The following UBE3D variants were observed in gnomAD, a reference collection of about 807,000 sequenced individuals.
The protein encoded by UBE3D is E3 ubiquitin-protein ligase E3D.
A neutral mutation model predicts 49.6 loss-of-function variants in UBE3D; 48 were observed. The observed-to-expected ratio is 0.97, with a 90% confidence interval of 0.77 to 1.23. The LOEUF is 1.23. Ranked by LOEUF, UBE3D falls within the 50% of genes most tolerant of loss-of-function variation. The pLI is 0.00. For missense variants in UBE3D, 452 were observed against 468.4 expected (o/e 0.96, Z 0.32); for synonymous variants, 189 against 174.2 (o/e 1.08, Z -0.67).
chr6:83,025,660 A>G (rs1348983867), intron 5 of UBE3D, among the ~76,000 whole-genome samples: 1 of 152,120 alleles, frequency 6.6e-6, no homozygotes, highest in Non-Finnish European at 1.5e-5. Flanking sequence ...AGGCGAGCAG[A>G]TCACCTGGGG....
intron 8 of UBE3D, among the ~76,000 whole-genome samples, chr6:82,968,436 T>C (rs1347818131): frequency 6.6e-6 from 1 of 151,908 alleles, no homozygotes. Flanking sequence ...CATCAAGGTG[T>C]GTATGTCTAA....
chr6:83,019,209 CAA>C (rs1474121299), intron 7 of UBE3D, 73 bp from the exon 8 acceptor site: 2 of 1,322,380 alleles, frequency 1.5e-6, no homozygotes, highest in Non-Finnish European at 1.0e-6. Flanking sequence ...TTTTCAAAAA[CAA>C]AAAAGAGACT....
chr6:83,014,638 A>G (rs1349506131), intron 8 of UBE3D, among the ~76,000 whole-genome samples: 2 of 152,222 alleles, frequency 1.3e-5, no homozygotes, highest in Non-Finnish European at 2.9e-5. Context: ...GCCAGTGTCC[A>G]GTAGTCTCTG....
intron 8 of UBE3D, among the ~76,000 whole-genome samples, chr6:83,003,668 T>C (rs1779782889): frequency 6.6e-6 from 1 of 152,196 alleles, no homozygotes. Context: ...ATTACTGCAT[T>C]GAATACTGTA....
intron 5 of UBE3D, among the ~76,000 whole-genome samples, chr6:83,029,829 T>G (rs970875410): frequency 6.6e-6 from 1 of 151,972 alleles, no homozygotes; most frequent in Admixed American, 6.6e-5. Flanking sequence ...CAGTTTTAAT[T>G]TTTTTTTAGT....
At chr6:82,987,939 ACAGT>A (rs1778634386) in intron 8 of UBE3D, among the ~76,000 whole-genome samples, 3 of 152,250 alleles carry the variant, frequency 2.0e-5, no homozygotes, top group African/African-American at 2.4e-5. Flanking sequence ...TCTTAAAAAC[ACAGT>A]CAGAAGTGAA....
chr6:83,047,550 T>C (rs2127827772), intron 3 of UBE3D, among the ~76,000 whole-genome samples: 1 of 151,432 alleles, frequency 6.6e-6, no homozygotes, highest in South Asian at 2.1e-4. Flanking sequence ...ATGTGAGCTG[T>C]CATTTGTGCA....
chr6:83,014,176 C>T (rs775626861), intron 8 of UBE3D, among the ~76,000 whole-genome samples: 8 of 152,206 alleles, frequency 5.3e-5, no homozygotes, highest in Admixed American at 1.3e-4. Flanking sequence ...AATCCACTGT[C>T]GTTCTCTAAG....
chr6:83,001,837 C>T (rs1444261760), intron 8 of UBE3D, among the ~76,000 whole-genome samples: 2 of 152,176 alleles, frequency 1.3e-5, no homozygotes, highest in African/African-American at 4.8e-5. Flanking sequence ...CTTTCCAAGT[C>T]ATAACTTTGC....
chr6:82,931,403 G>A (rs959354437), intron 9 of UBE3D, among the ~76,000 whole-genome samples: 4 of 152,154 alleles, frequency 2.6e-5, no homozygotes, highest in Non-Finnish European at 1.5e-5. Flanking sequence ...GACCCAGAAT[G>A]GTAGATCCAC....
intron 8 of UBE3D, among the ~76,000 whole-genome samples, chr6:83,014,108 G>A (rs1484792370): frequency 6.6e-6 from 1 of 152,230 alleles, no homozygotes; most frequent in Non-Finnish European, 1.5e-5. Context: ...CTCAAGCAAT[G>A]AAACCACATC....
the UBE3D span, among the ~76,000 whole-genome samples, chr6:82,885,654 C>G: frequency 6.6e-6 from 1 of 152,170 alleles, no homozygotes; most frequent in Non-Finnish European, 1.5e-5. Flanking sequence ...TCAAAAAGCC[C>G]TCAAGGGTAC....
intron 9 of UBE3D, among the ~76,000 whole-genome samples, chr6:82,910,772 C>T (rs1246955807): frequency 6.6e-6 from 1 of 152,010 alleles, no homozygotes; most frequent in African/African-American, 2.4e-5. Context: ...TAAAAATAAA[C>T]TCAATTGGCA....
chr6:83,037,232 C>T (rs1782327564), intron 5 of UBE3D: 1 of 152,220 alleles, frequency 6.6e-6, no homozygotes, highest in Non-Finnish European at 1.5e-5. Flanking sequence ...ACTCCTTATC[C>T]AAATGATCTA....
At chr6:83,015,956 T>C (rs1210129315) in intron 8 of UBE3D, among the ~76,000 whole-genome samples, 1 of 152,174 alleles carries the variant, frequency 6.6e-6, no homozygotes, top group African/African-American at 2.4e-5. Context: ...CCCAGCTTCA[T>C]CAGGGTCCTC....
At chr6:82,922,007 G>GA in intron 9 of UBE3D, among the ~76,000 whole-genome samples, 1 of 152,114 alleles carries the variant, frequency 6.6e-6, no homozygotes, top group Non-Finnish European at 1.5e-5. Flanking sequence ...ATCCAGAAAG[G>GA]AAAAAATATA....
intron 9 of UBE3D, among the ~76,000 whole-genome samples, chr6:82,898,934 G>A (rs76728459): frequency 0.014 from 2,202 of 152,170 alleles, 45 homozygotes; most frequent in African/African-American, 0.05. Flanking sequence ...CAGCCACAGC[G>A]CACACTGAGA....
At chr6:82,944,272 G>A (rs1196685616) in intron 9 of UBE3D, among the ~76,000 whole-genome samples, 1 of 152,148 alleles carries the variant, frequency 6.6e-6, no homozygotes, top group Non-Finnish European at 1.5e-5. Flanking sequence ...TACTAGCTCG[G>A]CCACAGTATG....
At chr6:83,032,766 C>A (rs183570687) in intron 5 of UBE3D, among the ~76,000 whole-genome samples, 93 of 152,086 alleles carry the variant, frequency 6.1e-4, no homozygotes, top group African/African-American at 2.1e-3. Flanking sequence ...ATCATGGGGG[C>A]GGGGTTTTCC....
Sources: allele counts gnomAD v4.1 joint callset (sites outside exome capture counted in the v4.1 genomes callset), GRCh38; gene constraint gnomAD v4.1.1; transcripts MANE v1.5; gene names NCBI Gene and HGNC (gene_info 2026-07-23, HGNC 2026-07-21).